The following MARCO variants were observed in gnomAD, a reference collection of about 807,000 sequenced individuals.
MARCO encodes the protein macrophage receptor MARCO.
MARCO carries 72 observed loss-of-function variants against 70.0 expected under a neutral mutation model. The observed-to-expected ratio is 1.03, with a 90% CI of 0.85 to 1.25. The LOEUF (loss-of-function observed/expected upper bound fraction) is 1.25. MARCO is among the 50% of genes most tolerant of loss of function. The pLI is 0.00. For missense variants in MARCO, 696 were observed against 659.3 expected (o/e 1.06, Z -0.61); for synonymous variants, 273 against 243.1 (o/e 1.12, Z -1.14).
At chr2:118,976,024 G>A (rs573565616) in intron 6 of MARCO, among the ~76,000 whole-genome samples, 1 of 152,200 alleles carries the variant, frequency 6.6e-6, no homozygotes, top group Admixed American at 6.5e-5. Flanking sequence ...AGGGACTCAG[G>A]CTAGGTGACT....
chr2:118,951,947 C>T (rs1679730506), intron 1 of MARCO, among the ~76,000 whole-genome samples: 1 of 151,942 alleles, frequency 6.6e-6, no homozygotes, highest in South Asian at 2.1e-4. Context: ...CTCTCTTTCT[C>T]TCCCTTATTT....
intron 1 of MARCO, among the ~76,000 whole-genome samples, chr2:118,963,148 T>C (rs557978131): frequency 1.6e-4 from 24 of 151,750 alleles, no homozygotes; most frequent in African/African-American, 5.5e-4. Context: ...TTAGGAGTTA[T>C]TTTGTTCTTT....
intron 7 of MARCO, 78 bp from the exon 8 acceptor site, chr2:118,977,750 C>T: frequency 9.1e-7 from 1 of 1,104,072 alleles, no homozygotes; most frequent in Non-Finnish European, 1.3e-6. Context: ...CTCCCAAATG[C>T]TTCCTGCCCC....
chr2:118,968,736 T>C (rs1558836047), intron 1 of MARCO, among the ~76,000 whole-genome samples: 2 of 152,358 alleles, frequency 1.3e-5, no homozygotes, highest in South Asian at 4.1e-4. Flanking sequence ...AGTTATTTAA[T>C]TTCTCCAAGT....
At chr2:118,975,573 A>G (rs1269413481) in intron 6 of MARCO, among the ~76,000 whole-genome samples, 1 of 152,178 alleles carries the variant, frequency 6.6e-6, no homozygotes, top group Non-Finnish European at 1.5e-5. Context: ...AGCGGGGAGG[A>G]TAGGCAGACC....
intron 10 of MARCO, 134 bp from the exon 11 acceptor site, chr2:118,982,022 T>G (rs1573402608): frequency 3.2e-6 from 2 of 618,624 alleles, no homozygotes; most frequent in Non-Finnish European, 2.8e-6. Context: ...TAAAGAGAGG[T>G]GTTAAAGCTG....
At chr2:118,970,084 C>T (rs1225950094) in intron 2 of MARCO, 30 bp from the exon 3 acceptor site, 21 of 1,575,328 alleles carry the variant, frequency 1.3e-5, no homozygotes, top group Non-Finnish European at 1.8e-5. Flanking sequence ...TGCCTCAGTC[C>T]CTAAAAGAAT....
At chr2:118,991,380 C>T (rs1342040560) in intron 13 of MARCO, among the ~76,000 whole-genome samples, 3 of 151,882 alleles carry the variant, frequency 2.0e-5, no homozygotes, top group African/African-American at 4.8e-5. Flanking sequence ...CTCCCACCTT[C>T]GTCTCCCAAA....
At chr2:118,952,582 T>G (rs1165291675) in intron 1 of MARCO, 1 of 152,204 alleles carries the variant, frequency 6.6e-6, no homozygotes, top group Non-Finnish European at 1.5e-5. Flanking sequence ...ACCAAGGAAG[T>G]ACTTTACCGG....
intron 16 of MARCO, among the ~76,000 whole-genome samples, chr2:118,993,911 A>G (rs1466126587): frequency 1.3e-5 from 2 of 152,196 alleles, no homozygotes; most frequent in Admixed American, 6.5e-5. Context: ...TGGCTATAGG[A>G]TCTGGCCCAG....
intron 1 of MARCO, among the ~76,000 whole-genome samples, chr2:118,946,955 A>G (rs1289997915): frequency 1.3e-5 from 2 of 152,226 alleles, no homozygotes; most frequent in Admixed American, 6.5e-5. Flanking sequence ...TACCATATGT[A>G]TAGCCTCTTC....
intron 1 of MARCO, among the ~76,000 whole-genome samples, chr2:118,956,288 G>T (rs576604263): frequency 1.3e-5 from 2 of 152,248 alleles, no homozygotes; most frequent in South Asian, 4.1e-4. Flanking sequence ...TAAAATAAAG[G>T]GGTGGAGAAA....
chr2:118,983,830 G>C (rs35275832), intron 12 of MARCO, among the ~76,000 whole-genome samples: 4 of 152,016 alleles, frequency 2.6e-5, no homozygotes, highest in South Asian at 4.2e-4. Context: ...CCAGACTAAC[G>C]GTTCTCAACT....
At chr2:118,987,429 C>T (rs1370679155) in intron 12 of MARCO, among the ~76,000 whole-genome samples, 1 of 152,186 alleles carries the variant, frequency 6.6e-6, no homozygotes, top group East Asian at 1.9e-4. Context: ...TCTTAGAGTC[C>T]AGCGAGGCTT....
intron 15 of MARCO, 69 bp from the exon 16 acceptor site, chr2:118,993,055 A>AAG: frequency 4.5e-6 from 6 of 1,339,744 alleles, no homozygotes; most frequent in Non-Finnish European, 6.3e-6. Flanking sequence ...AATGAAAAGA[A>AAG]AGAGCCCGCA....
At chr2:118,973,932 C>T (rs1400554551) in intron 4 of MARCO, among the ~76,000 whole-genome samples, 1 of 152,178 alleles carries the variant, frequency 6.6e-6, no homozygotes, top group African/African-American at 2.4e-5. Flanking sequence ...CAGACAAGGC[C>T]CTGCCCTTGT....
At chr2:118,973,096 C>T (rs1680204884) in intron 4 of MARCO, among the ~76,000 whole-genome samples, 1 of 151,758 alleles carries the variant, frequency 6.6e-6, no homozygotes, top group Non-Finnish European at 1.5e-5. Context: ...CTCTCTGTCT[C>T]TCTGAATATA....
chr2:118,953,962 A>G (rs1679777853), intron 1 of MARCO, among the ~76,000 whole-genome samples: 1 of 152,180 alleles, frequency 6.6e-6, no homozygotes, highest in South Asian at 2.1e-4. Context: ...GCACCACAGG[A>G]ATCCATCAGG....
intron 1 of MARCO, among the ~76,000 whole-genome samples, chr2:118,965,024 T>G (rs1680018245): frequency 6.6e-6 from 1 of 152,228 alleles, no homozygotes; most frequent in African/African-American, 2.4e-5. Context: ...ATGATGTGTC[T>G]TGATATGGAT....
Sources: gnomAD v4.1 joint callset for allele counts (sites outside exome capture counted in the v4.1 genomes callset) on GRCh38, gnomAD v4.1.1 for gene constraint, MANE v1.5 for transcripts, NCBI Gene and HGNC (gene_info 2026-07-23, HGNC 2026-07-21) for gene names.